TG: variants seen among roughly 807,000 people sequenced by gnomAD.
TG encodes thyroglobulin, also known as thyroid hormones.
A neutral mutation model predicts 324.7 loss-of-function variants in TG; 270 were observed. That is an observed-to-expected ratio of 0.83 (90% CI 0.75 to 0.92). The LOEUF (loss-of-function observed/expected upper bound fraction) is 0.92, where lower values mean the gene tolerates loss of function less well. Among genes scored for constraint, TG ranks in the 40% least tolerant of loss-of-function variants. The pLI, the probability that TG is intolerant of heterozygous loss-of-function variation, is 0.00. For missense variants in TG, 3,591 were observed against 3,456.4 expected, an observed-to-expected ratio of 1.04 and a Z score of -0.98; for synonymous variants, 1,401 against 1,327.0, an observed-to-expected ratio of 1.06 and a Z score of -1.21.
At chr8:132,954,761 T>A (rs1826603732) in intron 27 of TG, among the ~76,000 whole-genome samples, 1 of 152,212 alleles carries the variant, frequency 6.6e-6, no homozygotes, top group Non-Finnish European at 1.5e-5. Flanking sequence ...TTTCTCCATT[T>A]ACTGAGGGGG....
chr8:133,004,864 G>A (rs1298626938), intron 35 of TG, among the ~76,000 whole-genome samples: 3 of 152,184 alleles, frequency 2.0e-5, no homozygotes, highest in Non-Finnish European at 4.4e-5. Flanking sequence ...ATGATCAGGA[G>A]GCCCTTGTTT....
At chr8:133,052,267 T>C (rs1840546990) in intron 41 of TG, among the ~76,000 whole-genome samples, 1 of 152,236 alleles carries the variant, frequency 6.6e-6, no homozygotes, top group Non-Finnish European at 1.5e-5. Context: ...GCTTATCGAT[T>C]GATAAATAAA....
intron 35 of TG, among the ~76,000 whole-genome samples, chr8:132,985,964 G>A (rs760546679): frequency 6.6e-6 from 1 of 152,074 alleles, no homozygotes. Context: ...TGGAGGGAGA[G>A]AGGATAAAGG....
intron 32 of TG, among the ~76,000 whole-genome samples, chr8:132,970,475 G>C (rs1305483901): frequency 6.6e-6 from 1 of 152,200 alleles, no homozygotes; most frequent in Non-Finnish European, 1.5e-5. Context: ...CTTTAAGGAA[G>C]CTTCCCCTGG....
intron 25 of TG, among the ~76,000 whole-genome samples, chr8:132,939,411 G>A (rs1824092408): frequency 6.6e-6 from 1 of 152,106 alleles, no homozygotes; most frequent in Non-Finnish European, 1.5e-5. Flanking sequence ...GTTTAGTACA[G>A]GCACAAAAAG....
chr8:132,929,711 C>G (rs1477040045), intron 23 of TG, among the ~76,000 whole-genome samples: 4 of 152,172 alleles, frequency 2.6e-5, no homozygotes, highest in Non-Finnish European at 5.9e-5. Context: ...ACATCAAAGC[C>G]TGCAGTCTTT....
intron 5 of TG, among the ~76,000 whole-genome samples, chr8:132,875,999 T>G (rs1220583264): frequency 6.6e-6 from 1 of 152,136 alleles, no homozygotes; most frequent in African/African-American, 2.4e-5. Context: ...GAATTTCAGA[T>G]AGCAAAGAGT....
intron 21 of TG, among the ~76,000 whole-genome samples, chr8:132,920,949 A>G (rs1821017458): frequency 6.6e-6 from 1 of 152,242 alleles, no homozygotes; most frequent in Non-Finnish European, 1.5e-5. Flanking sequence ...ACACAGTTCT[A>G]CAGGCTGGAA....
chr8:133,045,085 T>A, intron 41 of TG: 7 of 1,614,220 alleles, frequency 4.3e-6, no homozygotes, highest in Non-Finnish European at 5.9e-6. Flanking sequence ...ATGCTTTACC[T>A]GCCTGTGTCT....
At chr8:132,970,157 G>A (rs909532502) in intron 32 of TG, among the ~76,000 whole-genome samples, 16 of 151,796 alleles carry the variant, frequency 1.1e-4, no homozygotes, top group Non-Finnish European at 1.9e-4. Context: ...CTCAGAATCT[G>A]GAGAGCAAGT....
intron 39 of TG, among the ~76,000 whole-genome samples, chr8:133,020,205 T>A (rs1835434454): frequency 6.6e-6 from 1 of 152,220 alleles, no homozygotes; most frequent in Non-Finnish European, 1.5e-5. Flanking sequence ...CCAGTGCTCT[T>A]TCTTCTTAGG....
intron 41 of TG, chr8:133,063,634 A>G (rs1257897750): frequency 1.3e-5 from 2 of 152,220 alleles, no homozygotes; most frequent in African/African-American, 4.8e-5. Flanking sequence ...GGGTTCTTCT[A>G]CGCTAACAGT....
At chr8:133,019,032 G>A (rs1357451298) in intron 38 of TG, among the ~76,000 whole-genome samples, 2 of 152,228 alleles carry the variant, frequency 1.3e-5, no homozygotes, top group Non-Finnish European at 1.5e-5. Context: ...ATGAAATGAC[G>A]GAGTCACATA....
In TG at chr8:133,092,282, G is replaced by A. The variant is rs76777587; in HGVS notation, c.7240-2762G>A. On this transcript the variant is annotated intron_variant, in intron 41 of 47. Coordinates refer to ENST00000220616, the MANE Select transcript of TG (RefSeq NM_003235.5). The stretch of plus-strand genomic sequence containing the variant: ...ACTACAGTGACTAACTGAGGTCAAG[G>A]CACCTTACCATGTTCGGAGGCCCGA... Among the ~76,000 whole-genome samples, 552 of 152,324 alleles carry A rather than the reference G, an allele frequency of 3.6e-3. 3 individuals carry two copies. Among genetic ancestry groups the A allele is most frequent in the African/African-American group, 0.013 (525 of 41,574 alleles).
At chr8:133,093,441 G>A (rs1256684073) in intron 41 of TG, among the ~76,000 whole-genome samples, 1 of 152,186 alleles carries the variant, frequency 6.6e-6, no homozygotes, top group Non-Finnish European at 1.5e-5. Context: ...TTTAAAGCAG[G>A]ACCAGGAGAC....
chr8:132,868,339 G>A (rs1227806815), intron 2 of TG, 116 bp downstream of exon 2: 1 of 966,826 alleles, frequency 1.0e-6, no homozygotes, highest in Non-Finnish European at 1.6e-6. Flanking sequence ...TGTGAGGCTT[G>A]GCCACTGTCA....
At chr8:133,116,240 C>T (rs973035166) in intron 44 of TG, among the ~76,000 whole-genome samples, 5 of 152,184 alleles carry the variant, frequency 3.3e-5, no homozygotes, top group African/African-American at 9.7e-5. Context: ...TATTTAACTC[C>T]ACTGTATATT....
At chr8:132,916,123 C>T (rs149752179) in intron 20 of TG, among the ~76,000 whole-genome samples, 32 of 152,292 alleles carry the variant, frequency 2.1e-4, no homozygotes, top group Middle Eastern at 3.4e-3. Flanking sequence ...CAGGTGGACC[C>T]GGGTTCGAGT....
chr8:133,131,710 A>G, intron 45 of TG, 102 bp from the exon 46 acceptor site: 1 of 1,521,332 alleles, frequency 6.6e-7, no homozygotes, highest in Non-Finnish European at 9.0e-7. Flanking sequence ...AAAGAAGGGA[A>G]AGTCTTGGTT....
Sources: gnomAD v4.1 joint callset for allele counts (sites outside exome capture counted in the v4.1 genomes callset) on GRCh38, gnomAD v4.1.1 for gene constraint, MANE v1.5 for transcripts, NCBI Gene and HGNC (gene_info 2026-07-23, HGNC 2026-07-21) for gene names.